CARD9: variants seen among roughly 807,000 people sequenced by gnomAD.
CARD9 encodes caspase recruitment domain-containing protein 9.
A neutral mutation model predicts 66.0 loss-of-function variants in CARD9; 53 were observed. The observed-to-expected ratio is 0.80, with a 90% CI of 0.64 to 1.01. The LOEUF is 1.01. Ranked by LOEUF, CARD9 falls within the 50% of genes least tolerant of loss-of-function variation. The pLI is 0.00. For missense variants in CARD9, 769 were observed against 743.2 expected, an observed-to-expected ratio of 1.03 and a Z score of -0.40; for synonymous variants, 387 against 313.8, an observed-to-expected ratio of 1.23 and a Z score of -2.47.
At chr9:136,368,565 G>C (rs2131439477) in intron 7 of CARD9, among the ~76,000 whole-genome samples, 2 of 152,366 alleles carry the variant, frequency 1.3e-5, no homozygotes, top group South Asian at 4.1e-4. Flanking sequence ...TGTGGACAAA[G>C]TGCCATCCAG....
At chr9:136,371,825 A>G (rs1482525133) in intron 2 of CARD9, 70 bp downstream of exon 2, 3 of 1,543,604 alleles carry the variant, frequency 1.9e-6, no homozygotes, top group Admixed American at 3.6e-5. Flanking sequence ...AGGGTGGCAG[A>G]GCGTGCAGCC....
At position 136,369,890 on chromosome 9, in the gene CARD9, A is replaced by G. The variant is rs1397086835; in HGVS notation, c.952-15T>C. The G allele has an allele frequency of 1.9e-6, 3 of 1,610,752 alleles. No individual in the cohort carries two copies. Among genetic ancestry groups the G allele is most frequent in the Non-Finnish European group, 2.5e-6 (3 of 1,179,972 alleles). On this transcript the variant is annotated splice_polypyrimidine_tract_variant and intron_variant, in intron 6 of 12. Transcript: ENST00000371732. ...TCCTCCATGCACTGCAGGGGGCGGC[A>G]GCTCAGCCCCCACAGGCCTGAGGCC...
At chr9:136,366,488 A>C in intron 10 of CARD9, 1 of 475,472 alleles carries the variant, frequency 2.1e-6, no homozygotes, top group Non-Finnish European at 3.9e-6. Context: ...GGCTGCCCAG[A>C]GGGGCCCCAC....
chr9:136,367,239 C>G lies in CARD9; in HGVS notation c.1288G>C (p.Gly430Arg). The G allele has an allele frequency of 6.2e-7, 1 of 1,612,774 alleles. No individual in the cohort carries two copies. Among genetic ancestry groups the G allele is most frequent in the Non-Finnish European group, 8.5e-7 (1 of 1,179,806 alleles). ...ACCTCCTGGGACCTCCTGGGTGAGC[C>G]ATCTTCCAGGTCGGAGCTCTGTGGT... ...TLVLSSDLED[G>R]SPRRSQELSL... The change falls in exon 9 of 13, where the codon GGC becomes CGC. Residue 430 changes from glycine (G) to arginine (R), a missense_variant. Physicochemically the swap from Gly to Arg is moderately radical, Grantham distance 125. Coordinates refer to ENST00000371732, the MANE Select transcript of CARD9 (RefSeq NM_052813.5).
Position 136,369,891 on chromosome 9 carries a change from G to A in CARD9, c.952-16C>T, listed in dbSNP as rs368069693. The A allele has an allele frequency of 6.2e-7, 1 of 1,610,560 alleles. No homozygotes were observed. Among genetic ancestry groups the A allele is most frequent in the Non-Finnish European group, 8.5e-7 (1 of 1,179,980 alleles). On this transcript the variant is annotated splice_polypyrimidine_tract_variant and intron_variant, in intron 6 of 12. Coordinates refer to ENST00000371732, the MANE Select transcript of CARD9 (RefSeq NM_052813.5). ...CCTCCATGCACTGCAGGGGGCGGCA[G>A]CTCAGCCCCCACAGGCCTGAGGCCC...
intron 10 of CARD9, 134 bp from the exon 11 acceptor site, chr9:136,365,351 T>A: frequency 1.3e-6 from 1 of 784,360 alleles, no homozygotes; most frequent in Non-Finnish European, 2.1e-6. Flanking sequence ...GGGTCCAGTG[T>A]AGACTCTGCT....
chr9:136,365,159 C>G lies in CARD9; in HGVS notation c.1416G>C (p.Gln472His). 6.2e-7 allele frequency: 1 copy of G among 1,612,158 alleles called. No homozygotes were observed. The highest frequency in any genetic ancestry group is 8.5e-7 in the Non-Finnish European group (1 of 1,179,916). Residue 472 changes from glutamine to histidine, a missense_variant, in exon 11 of 13, where the codon CAG (glutamine) becomes CAC (histidine). Coordinates refer to ENST00000371732, the MANE Select transcript of CARD9 (RefSeq NM_052813.5). ...GCCTTACATGGGGGTTCCGCAAAAC[C>G]TGCTCCTGGTGCAGAGCTGCAAAGG... The part of the protein sequence containing the change: ...KQPFAALHQE[Q>H]VLRNPHDAGL...
At chr9:136,371,683 C>T (rs1381194147) in intron 2 of CARD9, among the ~76,000 whole-genome samples, 1 of 151,274 alleles carries the variant, frequency 6.6e-6, no homozygotes. Flanking sequence ...GCGGTGGGAG[C>T]CCCGCTGCCC....
intron 6 of CARD9, 30 bp downstream of exon 6, chr9:136,370,264 G>A (rs1458606730): frequency 6.3e-7 from 1 of 1,591,126 alleles, no homozygotes; most frequent in Non-Finnish European, 8.5e-7. Flanking sequence ...TTGGACCCCA[G>A]GGGCCATGTC....
rs1216184796 is a variant in CARD9 at position 136,371,776 on chromosome 9, G to A, written c.184+119C>T. 7 of 1,481,362 alleles carry A rather than the reference G, an allele frequency of 4.7e-6. No individual in the cohort carries two copies. The Admixed American group carries it at 8.3e-5, about 18-fold the overall frequency. 91.8% of individuals were successfully genotyped at this position (1,481,362 alleles called of 1,614,324 possible). On this transcript the variant is annotated intron_variant, in intron 2 of 12. Transcript: ENST00000371732. ...GAGGTTGGGCCTCAGTCAGAGGCCA[G>A]GGGCAAAGCCAGGCGGGGCTCTCCT...
intron 2 of CARD9, 62 bp from the exon 3 acceptor site, chr9:136,371,523 T>TGGGGGGGGGGGGGG: frequency 2.4e-6 from 1 of 420,242 alleles, no homozygotes; most frequent in Non-Finnish European, 3.9e-6. Flanking sequence ...CTGGGGTGGG[T>TGGGGGGGGGGGGGG]GGGCCTGGGG....
At position 136,364,188 on chromosome 9, in the gene CARD9, C is replaced by T. The variant is rs1328061179; in HGVS notation, c.*114G>A. 2 of 1,550,458 alleles carry T rather than the reference C, an allele frequency of 1.3e-6. No individual in the cohort carries two copies. Among genetic ancestry groups the T allele is most frequent in the Non-Finnish European group, 1.7e-6 (2 of 1,146,840 alleles). On this transcript the variant is annotated 3_prime_UTR_variant, in exon 13 of 13. Coordinates refer to ENST00000371732, the MANE Select transcript of CARD9 (RefSeq NM_052813.5). ...CTTTCAGGGCACCAGATTCCTCGTTCCAGGCCAAGTCAGCGACGGCTCGGG... is the reference window on the plus strand; with the variant it reads ...CTTTCAGGGCACCAGATTCCTCGTTTCAGGCCAAGTCAGCGACGGCTCGGG...
Position 136,364,309 on chromosome 9 carries a change from C to T in CARD9, c.1604G>A (p.Gly535Asp). The part of the protein sequence containing the change: ...TTGSDNTDTE[G>D]S ...GGGCCTGCGCTGCTGCGGCTAGGAG[C>T]CCTCAGTGTCGGTGTTGTCGCTGCC... Residue 535 changes from glycine to aspartate, a missense_variant, in exon 13 of 13, where the codon GGC becomes GAC. Gly to Asp is a moderately conservative substitution (Grantham distance 94). Transcript: ENST00000371732. The T allele has an allele frequency of 6.4e-7, 1 of 1,558,006 alleles. No individual in the cohort carries two copies.
In CARD9 at chr9:136,364,561, T is replaced by C; in HGVS notation, c.1435-2A>G. ...CTCCCCGCTGCTCAGGCCTGCGTCC[T>C]GGAGAAGGGGGAAGGCTCGGGCTCC... On this transcript the variant is annotated splice_acceptor_variant, in intron 11 of 12. Coordinates refer to ENST00000371732, the MANE Select transcript of CARD9 (RefSeq NM_052813.5). LOFTEE classifies it high-confidence loss of function. The C allele has an allele frequency of 6.5e-7, 1 of 1,537,386 alleles. No homozygotes were observed.
chr9:136,367,184 G>A (rs767488677), intron 9 of CARD9, 32 bp downstream of exon 9: 3 of 1,607,208 alleles, frequency 1.9e-6, no homozygotes, highest in Non-Finnish European at 2.5e-6. Flanking sequence ...GTGAAGGAAG[G>A]CCAGCCTCGT....
In CARD9 at chr9:136,370,826, G is replaced by A. The variant is rs773353025; in HGVS notation, c.627+15C>T. 4.4e-6 allele frequency: 7 copies of A among 1,593,394 alleles called. No homozygotes were observed. Among genetic ancestry groups the A allele is most frequent in the Non-Finnish European group, 6.0e-6 (7 of 1,167,844 alleles). On this transcript the variant is annotated intron_variant, in intron 4 of 12. Coordinates refer to ENST00000371732, the MANE Select transcript of CARD9 (RefSeq NM_052813.5). Reference sequence around the variant, plus strand: ...AGGCGAGGGTGGCCTGGTTTCCCGGGGGCAGCGGGCGCACCTCCAGCTGCA... The same window carrying A: ...AGGCGAGGGTGGCCTGGTTTCCCGGAGGCAGCGGGCGCACCTCCAGCTGCA...
At chr9:136,364,760 A>G (rs369770778) in intron 11 of CARD9, 55 of 619,464 alleles carry the variant, frequency 8.9e-5, no homozygotes, top group African/African-American at 8.9e-4. Context: ...TGCATTTCAG[A>G]TGCCAAGACA....
intron 1 of CARD9, among the ~76,000 whole-genome samples, chr9:136,372,753 G>T (rs1236007193): frequency 6.6e-6 from 1 of 152,244 alleles, no homozygotes; most frequent in African/African-American, 2.4e-5. Context: ...CGGGGTCGCT[G>T]CACTGGCCGG....
chr9:136,366,975 C>CA lies in CARD9; in HGVS notation c.1312-131dup. On this transcript the variant is annotated intron_variant, in intron 9 of 12. Coordinates refer to ENST00000371732, the MANE Select transcript of CARD9 (RefSeq NM_052813.5). ...CCGTCACCCCCTGCACAGAGCTTCTCAGAGACTCAGGTGCCCAGCAGACGG... is the reference window on the plus strand; with the variant it reads ...CCGTCACCCCCTGCACAGAGCTTCTCAAGAGACTCAGGTGCCCAGCAGACGG... 9 of 1,178,494 alleles carry CA rather than the reference C, an allele frequency of 7.6e-6. No individual in the cohort carries two copies. The South Asian group carries it at 9.9e-5, about 13-fold the overall frequency. The allele number at this position is 1,178,494 out of a possible 1,614,324, so 73.0% of individuals were successfully genotyped here. A position where few individuals can be genotyped will look rare whatever the true frequency, so the allele number is the denominator to read the frequency against.
Sources: gnomAD v4.1 joint callset for allele counts (sites outside exome capture counted in the v4.1 genomes callset) on GRCh38, gnomAD v4.1.1 for gene constraint, MANE v1.5 for transcripts, NCBI Gene and HGNC (gene_info 2026-07-23, HGNC 2026-07-21) for gene names.